SMARCA4: variants seen among roughly 807,000 people sequenced by gnomAD.
The protein encoded by SMARCA4 is SWI/SNF-related matrix-associated actin-dependent regulator of chromatin subfamily A member 4.
Under a neutral mutation model 193.9 loss-of-function variants are expected in SMARCA4, and 31 were observed. That is an observed-to-expected ratio of 0.16 (90% CI 0.12 to 0.22). The LOEUF (loss-of-function observed/expected upper bound fraction) is 0.22, where lower values mean the gene tolerates loss of function less well. Ranked by LOEUF, SMARCA4 falls within the 10% of genes least tolerant of loss-of-function variation. The probability of loss-of-function intolerance (pLI) is 1.00; values close to 1 mark genes in which losing one functional copy is unlikely to be tolerated. For synonymous variants in SMARCA4, 942 were observed against 933.1 expected (o/e 1.01, Z -0.17); for missense variants, 1,148 against 2,296.0 (o/e 0.50, Z 10.22).
chr19:11,055,329 G>A (rs1395754187), intron 30 of SMARCA4, among the ~76,000 whole-genome samples: 1 of 151,978 alleles, frequency 6.6e-6, no homozygotes, highest in Non-Finnish European at 1.5e-5. Context: ...AGCTGGGATT[G>A]CAGGTGCCTG....
chr19:10,989,854 A>C (rs1007539539), intron 7 of SMARCA4, among the ~76,000 whole-genome samples: 3 of 151,918 alleles, frequency 2.0e-5, no homozygotes, highest in African/African-American at 7.3e-5. Context: ...AGCGTGTGCC[A>C]CCATGCCTAA....
rs193054064 is a variant in SMARCA4, at chr19:10,976,531, G to A, written c.-31-7590G>A. Among the ~76,000 whole-genome samples, 12 of 152,250 alleles carry A rather than the reference G, an allele frequency of 7.9e-5. No homozygotes were observed. The South Asian group carries it at 1.2e-3, about 16-fold the overall frequency. On this transcript the variant is annotated intron_variant, in intron 1 of 34. Coordinates refer to ENST00000344626, the MANE Select transcript of SMARCA4 (RefSeq NM_003072.5). ...AGCACTTTCGGAGGTTGAGGTGGGCGGATCACTTGAGCCCAGGTGTTTGAG... is the reference window on the plus strand; with the variant it reads ...AGCACTTTCGGAGGTTGAGGTGGGCAGATCACTTGAGCCCAGGTGTTTGAG...
At chr19:10,965,307 CT>C (rs2084129450) in intron 1 of SMARCA4, 2 of 148,506 alleles carry the variant, frequency 1.3e-5, no homozygotes, top group Non-Finnish European at 1.5e-5. Flanking sequence ...TAGTACCCAG[CT>C]TGTAGGATTG....
chr19:11,031,651 C>G lies in SMARCA4; in HGVS notation c.3546+758C>G, dbSNP rs139280373. 3.9e-5 allele frequency: 6 copies of G among 152,284 alleles called. No individual in the cohort carries two copies. Among genetic ancestry groups the G allele is most frequent in the Admixed American group, 6.5e-5 (1 of 15,284 alleles). 9.4% of individuals were successfully genotyped at this position (152,284 alleles called of 1,614,324 possible). A position where few individuals can be genotyped will look rare whatever the true frequency, so the allele number is the denominator to read the frequency against. On this transcript the variant is annotated intron_variant, in intron 25 of 34. Coordinates refer to ENST00000344626, the MANE Select transcript of SMARCA4 (RefSeq NM_003072.5). The surrounding 1 kb of genome is among the most constrained non-coding windows in gnomAD (Gnocchi z 4.3). ...CGAGTGCACATCGGAAGCTACCCAG[C>G]CATCTAATCGGCCACCAGGCGTCCC...
intron 1 of SMARCA4, among the ~76,000 whole-genome samples, chr19:10,977,082 AG>A (rs2085194776): frequency 6.6e-6 from 1 of 152,022 alleles, no homozygotes; most frequent in African/African-American, 2.4e-5. Context: ...ACAAATAACA[AG>A]AACAAAATTC....
chr19:11,022,488 C>T (rs1410974916), intron 19 of SMARCA4, among the ~76,000 whole-genome samples: 1 of 152,224 alleles, frequency 6.6e-6, no homozygotes, highest in Non-Finnish European at 1.5e-5. Context: ...GCAGCATCAT[C>T]ATTGATGAGT....
chr19:11,040,760 T>A (rs942168608), intron 29 of SMARCA4: 2 of 151,594 alleles, frequency 1.3e-5, no homozygotes, highest in East Asian at 1.9e-4. Flanking sequence ...CTACAAAAAA[T>A]TTTTTTAATT....
chr19:11,001,443 C>T (rs1374282033), intron 11 of SMARCA4, among the ~76,000 whole-genome samples: 3 of 152,040 alleles, frequency 2.0e-5, no homozygotes, highest in South Asian at 2.1e-4. Flanking sequence ...GTACTGAGCC[C>T]GTCTCCAAAA....
At position 11,033,301 on chromosome 19, in the gene SMARCA4, G is replaced by C. The variant is rs140322802; in HGVS notation, c.3558G>C (p.Ala1186=). 6.2e-7 allele frequency: 1 copy of C among 1,612,794 alleles called. No homozygotes were observed. Among genetic ancestry groups the C allele is most frequent in the Non-Finnish European group, 8.5e-7 (1 of 1,179,886 alleles). The change falls in exon 26 of 35, where the codon GCG becomes GCC. Residue 1186 remains alanine (A), a synonymous_variant. Coordinates refer to ENST00000344626, the MANE Select transcript of SMARCA4 (RefSeq NM_003072.5). The surrounding 1 kb of genome is among the most constrained non-coding windows in gnomAD (Gnocchi z 9.8). ...ACCTCTTCCCCCAGGACCTGCAAGC[G>C]CAGGACCGAGCCCACCGCATCGGGC... The part of the protein sequence containing the change: ...SDWNPHQDLQ[A]QDRAHRIGQQ...
chr19:11,029,534 GC>G (rs2090494624), intron 24 of SMARCA4, among the ~76,000 whole-genome samples: 1 of 152,242 alleles, frequency 6.6e-6, no homozygotes, highest in Non-Finnish European at 1.5e-5. Flanking sequence ...CCTCACCTCA[GC>G]CCCTCCTCCG....
rs141461778 is a variant in SMARCA4 at position 10,987,010 on chromosome 19, T to A, written c.859+7T>A. 3,316 of 1,595,254 alleles carry A rather than the reference T, an allele frequency of 2.1e-3. 27 individuals carry two copies. The highest frequency in any genetic ancestry group is 0.014 in the South Asian group (1,276 of 90,848). Reference sequence around the variant, plus strand: ...CCCAAGCCCTGGCCTGAAGGTGAGCTCCCTCTTCTATGGTGGTGCACCCGT... The same window carrying A: ...CCCAAGCCCTGGCCTGAAGGTGAGCACCCTCTTCTATGGTGGTGCACCCGT... On this transcript the variant is annotated splice_region_variant and intron_variant, in intron 5 of 34. Coordinates refer to ENST00000344626, the MANE Select transcript of SMARCA4 (RefSeq NM_003072.5). This position sits in a 1 kb window ranked among gnomAD's most constrained non-coding sequence, Gnocchi z 5.3.
chr19:10,989,193 G>A, intron 6 of SMARCA4, 124 bp from the exon 7 acceptor site: 1 of 1,225,212 alleles, frequency 8.2e-7, no homozygotes, highest in Non-Finnish European at 1.2e-6. Flanking sequence ...ATCCTCTTCT[G>A]AGGCATCTCT....
At position 10,987,621 on chromosome 19, in the gene SMARCA4, G is replaced by T. The variant is rs769461221; in HGVS notation, c.860-45G>T. 6.2e-7 allele frequency: 1 copy of T among 1,610,864 alleles called. No individual in the cohort carries two copies. Among genetic ancestry groups the T allele is most frequent in the Non-Finnish European group, 8.5e-7 (1 of 1,178,156 alleles). On this transcript the variant is annotated intron_variant, in intron 5 of 34. Transcript: ENST00000344626. The surrounding 1 kb of genome is among the most constrained non-coding windows in gnomAD (Gnocchi z 5.3). ...GCTTTCCATTTCCAGCCCGGGATGG[G>T]CCCCAGAGCTCAACATGACGCCCTG...
chr19:10,976,436 G>C (rs907277109), intron 1 of SMARCA4, among the ~76,000 whole-genome samples: 1 of 152,076 alleles, frequency 6.6e-6, no homozygotes, highest in Non-Finnish European at 1.5e-5. Flanking sequence ...GGAGCAAGGA[G>C]GGATAAGAGA....
intron 30 of SMARCA4, among the ~76,000 whole-genome samples, chr19:11,051,036 T>C (rs1372045250): frequency 6.6e-6 from 1 of 152,230 alleles, no homozygotes; most frequent in Non-Finnish European, 1.5e-5. Flanking sequence ...AACATAACCA[T>C]GGCAGAGGGC....
chr19:11,020,273 C>T (rs1454139900), intron 18 of SMARCA4, among the ~76,000 whole-genome samples: 8 of 152,152 alleles, frequency 5.3e-5, no homozygotes, highest in African/African-American at 9.7e-5. Flanking sequence ...ACTGAGAATA[C>T]GGCCCAGATA....
rs1378500870 is a variant in SMARCA4 at position 11,041,781 on chromosome 19, A to G, written c.4424+221A>G. The stretch of plus-strand genomic sequence containing the variant: ...CTGCGGTGATGAGAGGGAATGTCAC[A>G]TGTGGTCGAGAGGAGAGGCAGGGGT... On this transcript the variant is annotated intron_variant, in intron 30 of 34. Coordinates refer to ENST00000344626, the MANE Select transcript of SMARCA4 (RefSeq NM_003072.5). This position sits in a 1 kb window ranked among gnomAD's most constrained non-coding sequence, Gnocchi z 5.6. Among the ~76,000 whole-genome samples, 1 of 152,080 alleles carries G rather than the reference A, an allele frequency of 6.6e-6. No homozygotes were observed. The highest frequency in any genetic ancestry group is 1.5e-5 in the Non-Finnish European group (1 of 68,008).
At chr19:11,054,809 T>G (rs1392063237) in intron 30 of SMARCA4, among the ~76,000 whole-genome samples, 1 of 151,996 alleles carries the variant, frequency 6.6e-6, no homozygotes, top group African/African-American at 2.4e-5. Context: ...TGGGTGTGTG[T>G]GGGGGTCAGA....
intron 1 of SMARCA4, among the ~76,000 whole-genome samples, chr19:10,968,899 G>A (rs925118377): frequency 6.6e-6 from 1 of 152,204 alleles, no homozygotes; most frequent in African/African-American, 2.4e-5. Flanking sequence ...TGGACTGGCT[G>A]GGCACCTGAA....
Sources: allele counts gnomAD v4.1 joint callset (sites outside exome capture counted in the v4.1 genomes callset), GRCh38; gene constraint gnomAD v4.1.1; non-coding constraint Gnocchi (gnomAD v3.1); transcripts MANE v1.5; gene names NCBI Gene and HGNC (gene_info 2026-07-23, HGNC 2026-07-21).